DGKI: variants seen among roughly 807,000 people sequenced by gnomAD.
The protein encoded by DGKI is diacylglycerol kinase iota.
DGKI carries 55 observed loss-of-function variants against 147.5 expected under a neutral mutation model. The ratio of observed to expected loss-of-function variants is 0.37; its 90% CI spans 0.30 to 0.47. The LOEUF (loss-of-function observed/expected upper bound fraction) is 0.47, where lower values mean the gene tolerates loss of function less well. Ranked by LOEUF, DGKI falls within the 20% of genes least tolerant of loss-of-function variation. The probability of loss-of-function intolerance (pLI) is 1.00; values close to 1 mark genes in which losing one functional copy is unlikely to be tolerated. For synonymous variants in DGKI, 469 were observed against 477.1 expected (o/e 0.98, Z 0.22); for missense variants, 1,007 against 1,323.8 (o/e 0.76, Z 3.71).
rs550566999 is a variant in DGKI, at chr7:137,432,167, C to T, written c.2761+11910G>A. ...GTTTCCTGAGGCCTCCCCATCGATG[C>T]GTCCTGTATAGCCTGTGGAACCATG... On this transcript the variant is annotated intron_variant, in intron 28 of 32. Coordinates refer to ENST00000614521, the MANE Select transcript of DGKI (RefSeq NM_001321708.2). Among the ~76,000 whole-genome samples, 76 of 152,230 alleles carry T rather than the reference C, an allele frequency of 5.0e-4. 1 individual carries two copies. Among genetic ancestry groups the T allele is most frequent in the Middle Eastern group, 3.4e-3 (1 of 294 alleles).
chr7:137,587,489 T>G (rs1819449002), intron 12 of DGKI, among the ~76,000 whole-genome samples: 1 of 152,156 alleles, frequency 6.6e-6, no homozygotes, highest in Non-Finnish European at 1.5e-5. Context: ...CCTTGTAAAT[T>G]TCTCAGAGTT....
At chr7:137,759,507 A>G (rs1223127302) in intron 1 of DGKI, among the ~76,000 whole-genome samples, 1 of 151,680 alleles carries the variant, frequency 6.6e-6, no homozygotes, top group Non-Finnish European at 1.5e-5. Flanking sequence ...ACGCCTGGCT[A>G]ATTTTTGTAT....
Position 137,846,161 on chromosome 7 carries a change from T to TCTCTCTCTCTCTCACA in DGKI, c.401+300_401+301insTGTGAGAGAGAGAGAG, listed in dbSNP as rs781580130. On this transcript the variant is annotated intron_variant, in intron 1 of 32. Coordinates refer to ENST00000614521, the MANE Select transcript of DGKI (RefSeq NM_001321708.2). This position sits in a 1 kb window ranked among gnomAD's most constrained non-coding sequence, Gnocchi z 4.0. ...CTCTCTCTCTCTCTCTCTCTCTCTCTCACACACACACACACACACACACAC... is the reference window on the plus strand; with the variant it reads ...CTCTCTCTCTCTCTCTCTCTCTCTCTCTCTCTCTCTCTCACACACACACACACACACACACACACAC... Among the ~76,000 whole-genome samples, 273 of 108,168 alleles carry TCTCTCTCTCTCTCACA rather than the reference T, an allele frequency of 2.5e-3. 3 individuals are homozygous for TCTCTCTCTCTCTCACA. The highest frequency in any genetic ancestry group is 0.011 in the Middle Eastern group (2 of 186). The allele number at this position is 108,168 out of a possible 152,430, so 71.0% of individuals were successfully genotyped here.
intron 21 of DGKI, 38 bp downstream of exon 21, chr7:137,521,828 G>A: frequency 7.0e-7 from 1 of 1,425,668 alleles, no homozygotes; most frequent in African/African-American, 1.4e-5. Context: ...CTGAAGATAG[G>A]CTGATCGCAT....
chr7:137,381,725 T>C lies in DGKI; in HGVS notation c.*9495A>G, dbSNP rs1228072041. 6.6e-6 allele frequency: 1 copy of C among 152,100 alleles called. No homozygotes were observed. The highest frequency in any genetic ancestry group is 1.5e-5 in the Non-Finnish European group (1 of 68,016). 9.4% of individuals were successfully genotyped at this position (152,100 alleles called of 1,614,324 possible). A position where few individuals can be genotyped will look rare whatever the true frequency, so the allele number is the denominator to read the frequency against. On this transcript the variant is annotated 3_prime_UTR_variant, in exon 33 of 33. Coordinates refer to ENST00000614521, the MANE Select transcript of DGKI (RefSeq NM_001321708.2). ...TCATGGTTGCCCACTTAACTATTGG[T>C]AATTTTAAAAAACAGCCAAGCTAAC...
At chr7:137,527,954 A>G (rs979394678) in intron 20 of DGKI, among the ~76,000 whole-genome samples, 28 of 152,244 alleles carry the variant, frequency 1.8e-4, no homozygotes, top group Admixed American at 1.3e-4. Context: ...ACAGTGTGAA[A>G]GGCTATGAAT....
intron 21 of DGKI, among the ~76,000 whole-genome samples, chr7:137,503,955 G>C (rs1270119327): frequency 6.6e-6 from 1 of 152,084 alleles, no homozygotes; most frequent in Admixed American, 6.6e-5. Flanking sequence ...TTTTATAGCA[G>C]ATAATGTGTT....
chr7:137,763,875 T>C (rs1795931019), intron 1 of DGKI, among the ~76,000 whole-genome samples: 1 of 152,248 alleles, frequency 6.6e-6, no homozygotes, highest in South Asian at 2.1e-4. Context: ...TCTCTTGTAA[T>C]AATTAGCAAA....
chr7:137,512,958 C>T lies in DGKI; in HGVS notation c.2248+8908G>A, dbSNP rs147545968. On this transcript the variant is annotated intron_variant, in intron 21 of 32. Transcript: ENST00000614521. Reference sequence around the variant, plus strand: ...TCTATAAACCAAGACAGCCAGAAACCGGCAAGTCAGGCTCTATGTGCTTAC... The same window carrying T: ...TCTATAAACCAAGACAGCCAGAAACTGGCAAGTCAGGCTCTATGTGCTTAC... Among the ~76,000 whole-genome samples the T allele has an allele frequency of 1.2e-3, 186 of 152,178 alleles. 1 individual carries two copies. The highest frequency in any genetic ancestry group is 3.7e-3 in the African/African-American group (154 of 41,526).
At chr7:137,481,797 C>G (rs1815382679) in intron 23 of DGKI, among the ~76,000 whole-genome samples, 1 of 152,014 alleles carries the variant, frequency 6.6e-6, no homozygotes, top group African/African-American at 2.4e-5. Context: ...TGAGATTTTT[C>G]TGGTCTTAGA....
intron 21 of DGKI, chr7:137,493,884 T>C: frequency 1.5e-6 from 1 of 647,452 alleles, no homozygotes; most frequent in Admixed American, 2.5e-5. Flanking sequence ...ATGAAGATCA[T>C]CGAGATTCAG....
At position 137,397,411 on chromosome 7, in the gene DGKI, G is replaced by T; in HGVS notation, c.2923C>A (p.Pro975Thr). The change falls in exon 31 of 33, where the codon CCT becomes ACT. Residue 975 changes from proline (P) to threonine (T), a missense_variant and splice_region_variant. By Grantham distance (38) the Pro-to-Thr change is conservative (BLOSUM62 -1). Around this residue, in one of 5 missense-constraint regions of DGKI, gnomAD observed 385 missense variants for 445.2 expected, o/e 0.86. Coordinates refer to ENST00000614521, the MANE Select transcript of DGKI (RefSeq NM_001321708.2). ...EIVKYILDHG[P>T]SELLDMADSE... The stretch of plus-strand genomic sequence containing the variant: ...TCTGCCATATCCAATAACTCGGAAG[G>T]TCCTAAATAAGAAGAAAGCAAGATG... 2 of 1,612,208 alleles carry T rather than the reference G, an allele frequency of 1.2e-6. No individual in the cohort carries two copies. The highest frequency in any genetic ancestry group is 1.1e-5 in the South Asian group (1 of 90,472).
chr7:137,804,064 G>A (rs1797292205), intron 1 of DGKI, among the ~76,000 whole-genome samples: 1 of 152,214 alleles, frequency 6.6e-6, no homozygotes, highest in Non-Finnish European at 1.5e-5. Flanking sequence ...GCTTTGGGAA[G>A]CACTCAACAG....
intron 21 of DGKI, among the ~76,000 whole-genome samples, chr7:137,506,840 T>C (rs1816385324): frequency 1.3e-5 from 2 of 152,124 alleles, no homozygotes; most frequent in African/African-American, 4.8e-5. Flanking sequence ...AAAAAGAAAC[T>C]GTTCTGAGTT....
chr7:137,716,330 G>A (rs2116590751), intron 1 of DGKI, among the ~76,000 whole-genome samples: 1 of 152,316 alleles, frequency 6.6e-6, no homozygotes, highest in Middle Eastern at 3.4e-3. Flanking sequence ...TTAAATGACT[G>A]TAAAAATTTC....
rs141216811 is a variant in DGKI at position 137,575,729 on chromosome 7, A to G, written c.1761+1493T>C. ...TCTTGTATCTAGCTTTAAGAAGGCA[A>G]TATTTCAGTCTCAAGCGTCTCCACC... is the stretch of plus-strand genomic sequence containing the variant. On this transcript the variant is annotated intron_variant, in intron 17 of 32. Coordinates refer to ENST00000614521, the MANE Select transcript of DGKI (RefSeq NM_001321708.2). Among the ~76,000 whole-genome samples, 1,074 of 152,296 alleles carry G rather than the reference A, an allele frequency of 7.1e-3. 7 individuals carry two copies. The highest frequency in any genetic ancestry group is 0.025 in the African/African-American group (1,049 of 41,574).
At chr7:137,736,582 C>T (rs970831670) in intron 1 of DGKI, among the ~76,000 whole-genome samples, 2 of 152,092 alleles carry the variant, frequency 1.3e-5, no homozygotes, top group African/African-American at 4.8e-5. Context: ...CACTTACAAC[C>T]TTTTAATACG....
chr7:137,464,654 G>T, intron 26 of DGKI, among the ~76,000 whole-genome samples: 1 of 152,082 alleles, frequency 6.6e-6, no homozygotes, highest in East Asian at 1.9e-4. Flanking sequence ...ACCTAGACTT[G>T]GTACATATTG....
chr7:137,573,880 C>A (rs1436993537), intron 17 of DGKI, among the ~76,000 whole-genome samples: 1 of 152,216 alleles, frequency 6.6e-6, no homozygotes, highest in Admixed American at 6.5e-5. Flanking sequence ...CTTTCATGTT[C>A]CTTTCTCATT....
Sources: allele counts gnomAD v4.1 joint callset (sites outside exome capture counted in the v4.1 genomes callset), GRCh38; gene constraint gnomAD v4.1.1; regional missense constraint gnomAD v4.1.1; non-coding constraint Gnocchi (gnomAD v3.1); transcripts MANE v1.5; gene names NCBI Gene and HGNC (gene_info 2026-07-23, HGNC 2026-07-21).